The following XIRP2 variants were observed in gnomAD, a reference collection of about 807,000 sequenced individuals.
The protein encoded by XIRP2 is xin actin-binding repeat-containing protein 2.
Under a neutral mutation model 277.0 loss-of-function variants are expected in XIRP2, and 236 were observed. The ratio of observed to expected loss-of-function variants is 0.85; its 90% confidence interval spans 0.77 to 0.95. XIRP2 has a LOEUF of 0.95. XIRP2 is among the 40% of genes least tolerant of loss of function. The probability of loss-of-function intolerance (pLI) is 0.00; values close to 1 mark genes in which losing one functional copy is unlikely to be tolerated. For synonymous variants in XIRP2, 1,490 were observed against 1,416.5 expected (o/e 1.05, Z -1.17); for missense variants, 4,640 against 4,157.5 (o/e 1.12, Z -3.19).
Position 167,155,431 on chromosome 2 carries a change from G to A in XIRP2, c.562+19369G>A, listed in dbSNP as rs201377490. 2.8e-3 allele frequency among the ~76,000 whole-genome samples: 427 copies of A among 152,120 alleles called. 9 individuals are homozygous for A. The highest frequency in any genetic ancestry group is 9.1e-3 in the East Asian group (47 of 5,164). ...GTGGGCTTCATCCCTGGGATGCAAGGCTGGTTCAATATATGCAAATCAATC... is the reference window on the plus strand; with the variant it reads ...GTGGGCTTCATCCCTGGGATGCAAGACTGGTTCAATATATGCAAATCAATC... On this transcript the variant is annotated intron_variant, in intron 3 of 10. Transcript: ENST00000409195.
intron 2 of XIRP2, among the ~76,000 whole-genome samples, chr2:167,012,140 T>C (rs1044414663): frequency 1.3e-5 from 2 of 151,938 alleles, no homozygotes; most frequent in African/African-American, 4.8e-5. Context: ...CTAGTTCTTT[T>C]AATTGTGATG....
At chr2:166,923,939 C>G (rs1290504507) in intron 2 of XIRP2, among the ~76,000 whole-genome samples, 1 of 151,920 alleles carries the variant, frequency 6.6e-6, no homozygotes, top group Non-Finnish European at 1.5e-5. Context: ...GGTTGGAATA[C>G]TCCTGAGTGA....
intron 2 of XIRP2, among the ~76,000 whole-genome samples, chr2:166,948,937 A>G (rs1399140660): frequency 6.6e-6 from 1 of 152,094 alleles, no homozygotes; most frequent in Non-Finnish European, 1.5e-5. Context: ...ACTAGAGAAT[A>G]AAATAATAGC....
intron 5 of XIRP2, among the ~76,000 whole-genome samples, chr2:167,233,074 A>G (rs756950388): frequency 1.4e-4 from 21 of 151,964 alleles, no homozygotes; most frequent in Non-Finnish European, 2.1e-4. Context: ...AGTTGTGATA[A>G]AATTTAGTTC....
chr2:167,119,067 T>C (rs766835036), intron 2 of XIRP2, among the ~76,000 whole-genome samples: 4 of 152,118 alleles, frequency 2.6e-5, no homozygotes, highest in African/African-American at 4.8e-5. Context: ...ATTGTCCCCG[T>C]GGCAAGATCA....
intron 3 of XIRP2, among the ~76,000 whole-genome samples, chr2:167,180,954 G>T (rs1692991172): frequency 6.6e-6 from 1 of 152,124 alleles, no homozygotes; most frequent in African/African-American, 2.4e-5. Context: ...TTGCTGAATA[G>T]AATTATGACT....
intron 2 of XIRP2, among the ~76,000 whole-genome samples, chr2:167,017,573 A>C (rs1361875306): frequency 6.6e-6 from 1 of 151,990 alleles, no homozygotes; most frequent in South Asian, 2.1e-4. Flanking sequence ...AAGTTCTCCA[A>C]TGCCAAAGAG....
At chr2:166,942,224 G>A (rs1250927350) in intron 2 of XIRP2, among the ~76,000 whole-genome samples, 1 of 152,098 alleles carries the variant, frequency 6.6e-6, no homozygotes, top group African/African-American at 2.4e-5. Context: ...TGTTCTACAT[G>A]TAACTACCCT....
At chr2:167,001,917 G>A (rs1457801465) in intron 2 of XIRP2, among the ~76,000 whole-genome samples, 1 of 151,860 alleles carries the variant, frequency 6.6e-6, no homozygotes, top group East Asian at 1.9e-4. Context: ...TCCTCATTTA[G>A]CTTTTTATTT....
intron 2 of XIRP2, among the ~76,000 whole-genome samples, chr2:167,084,641 G>A (rs1689867948): frequency 6.6e-6 from 1 of 152,062 alleles, no homozygotes; most frequent in Admixed American, 6.5e-5. Context: ...TCTATTCAGA[G>A]ATTCAACTTC....
intron 2 of XIRP2, among the ~76,000 whole-genome samples, chr2:166,932,073 G>A (rs1685356543): frequency 6.6e-6 from 1 of 152,068 alleles, no homozygotes; most frequent in East Asian, 1.9e-4. Flanking sequence ...TGTATCACTT[G>A]TTCAAATCTT....
In XIRP2 at chr2:167,018,817, A is replaced by C. The variant is rs180999562; in HGVS notation, c.408+114927A>C. ...TGTGCATTTCCACTGAATACACATC[A>C]CCTCCCACTTGCCTTCCCTTTCTCA... is the stretch of plus-strand genomic sequence containing the variant. On this transcript the variant is annotated intron_variant, in intron 2 of 10. Transcript: ENST00000409195. Among the ~76,000 whole-genome samples, 99 of 151,982 alleles carry C rather than the reference A, an allele frequency of 6.5e-4. 1 individual carries two copies. The highest frequency in any genetic ancestry group is 2.3e-3 in the African/African-American group (95 of 41,478).
chr2:167,251,583 G>T lies in XIRP2; in HGVS notation c.10191G>T (p.Leu3397=), dbSNP rs1695504631. 1 of 1,613,534 alleles carries T rather than the reference G, an allele frequency of 6.2e-7. No homozygotes were observed. Among genetic ancestry groups the T allele is most frequent in the Non-Finnish European group, 8.5e-7 (1 of 1,179,652 alleles). ...TTTCTTGCAAACATCCTAGAGAACT[G>T]CGAGAAAAGATTCCTGTTAAGCAGC... ...TDFSCKHPRE[L]REKIPVKQPR... The change falls in exon 9 of 11, where the codon CTG becomes CTT. Residue 3397 remains leucine, a synonymous_variant. Transcript: ENST00000409195.
chr2:167,042,242 A>C (rs999929666), intron 2 of XIRP2, among the ~76,000 whole-genome samples: 2 of 152,162 alleles, frequency 1.3e-5, no homozygotes, highest in African/African-American at 4.8e-5. Flanking sequence ...AACACACTTA[A>C]GTACATACCT....
At chr2:167,077,947 C>T (rs185224352) in intron 2 of XIRP2, among the ~76,000 whole-genome samples, 4 of 152,206 alleles carry the variant, frequency 2.6e-5, no homozygotes, top group African/African-American at 7.2e-5. Context: ...AGGATTGCTT[C>T]GGCTATTTGG....
chr2:167,120,936 G>A (rs1691038985), intron 2 of XIRP2, among the ~76,000 whole-genome samples: 1 of 152,046 alleles, frequency 6.6e-6, no homozygotes, highest in South Asian at 2.1e-4. Flanking sequence ...ATTATATGTT[G>A]AAATATCTTT....
At chr2:167,218,810 C>T (rs1694333839) in intron 5 of XIRP2, among the ~76,000 whole-genome samples, 1 of 152,052 alleles carries the variant, frequency 6.6e-6, no homozygotes, top group South Asian at 2.1e-4. Flanking sequence ...CAAATGTTAT[C>T]TTATATAAAT....
intron 3 of XIRP2, among the ~76,000 whole-genome samples, chr2:167,186,401 A>G (rs1014599393): frequency 6.6e-6 from 1 of 152,214 alleles, no homozygotes. Context: ...GGCATTTTAT[A>G]TGAAATAGAG....
rs1001331499 is a variant in XIRP2, at chr2:166,925,624, T to C, written c.408+21734T>C. On this transcript the variant is annotated intron_variant, in intron 2 of 10. Transcript: ENST00000409195. Reference sequence around the variant, plus strand: ...ATATATATATATATATATATATATATATACATATAAGTATATATATAAAAT... The same window carrying C: ...ATATATATATATATATATATATATACATACATATAAGTATATATATAAAAT... Among the ~76,000 whole-genome samples the C allele has an allele frequency of 5.0e-5, 7 of 139,456 alleles. No individual in the cohort carries two copies. In the South Asian group the frequency reaches 8.8e-4, roughly 18 times the overall value. 91.5% of individuals were successfully genotyped at this position (139,456 alleles called of 152,430 possible). A position where few individuals can be genotyped will look rare whatever the true frequency, so the allele number is the denominator to read the frequency against.
Sources: allele counts gnomAD v4.1 joint callset (sites outside exome capture counted in the v4.1 genomes callset), GRCh38; gene constraint gnomAD v4.1.1; transcripts MANE v1.5; gene names NCBI Gene and HGNC (gene_info 2026-07-23, HGNC 2026-07-21).